Variants in PLCG2 observed in about 807,000 individuals in gnomAD.
PLCG2 encodes the protein 1-phosphatidylinositol 4,5-bisphosphate phosphodiesterase gamma-2.
In PLCG2, 69 loss-of-function variants were observed where a neutral mutation model predicts 175.6. That is an observed-to-expected ratio of 0.39 (90% CI 0.32 to 0.48). The LOEUF is 0.48. PLCG2 is among the 20% of genes least tolerant of loss of function. The probability of loss-of-function intolerance (pLI) is 0.91; values close to 1 mark genes in which losing one functional copy is unlikely to be tolerated. For synonymous variants in PLCG2, 827 were observed against 624.0 expected (o/e 1.33, Z -4.85); for missense variants, 1,798 against 1,650.9 (o/e 1.09, Z -1.54).
rs114036977 is a variant in PLCG2, at chr16:81,753,486, T to G, written c.-144-2384T>G. Among the ~76,000 whole-genome samples the G allele has an allele frequency of 8.3e-3, 1,261 of 152,056 alleles. 17 individuals are homozygous for G. The highest frequency in any genetic ancestry group is 0.028 in the African/African-American group (1,177 of 41,456). On this transcript the variant is annotated intron_variant, in intron 1 of 5. Transcript: ENST00000565054. ...CAAGCTGGAGTGCAGTAGTTGTATC[T>G]TGGCTCACTGATGCCTCCACCTCCC...
chr16:81,879,972 A>G (rs533874683), intron 7 of PLCG2, among the ~76,000 whole-genome samples: 1 of 152,270 alleles, frequency 6.6e-6, no homozygotes, highest in Non-Finnish European at 1.5e-5. Context: ...AAAGATTTGA[A>G]ATGTTGCCTG....
chr16:81,880,950 T>C lies in PLCG2; in HGVS notation c.689T>C (p.Leu230Pro), dbSNP rs762467148. Residue 230 changes from leucine to proline, a missense_variant, in exon 8 of 33, where the codon CTG (leucine) becomes CCG (proline). By Grantham distance (98) the Leu-to-Pro change is moderately conservative. Coordinates refer to ENST00000564138, the MANE Select transcript of PLCG2 (RefSeq NM_002661.5). The part of the protein sequence containing the change: ...EFKKDSSVFI[L>P]GNTDRPDASA... ...AAAAAGGATTCGTCCGTGTTCATCC[T>C]GGGGTGAGGCAGCTCTTGTGTGTCG... 34 of 1,613,996 alleles carry C rather than the reference T, an allele frequency of 2.1e-5. No individual in the cohort carries two copies. The highest frequency in any genetic ancestry group is 2.8e-5 in the Non-Finnish European group (33 of 1,179,926).
At chr16:81,742,160 G>C (rs985721829) in intron 1 of PLCG2, among the ~76,000 whole-genome samples, 1 of 141,156 alleles carries the variant, frequency 7.1e-6, no homozygotes, top group Non-Finnish European at 1.6e-5. Context: ...GGGGCGGGGG[G>C]GGGGGCGGTG....
At chr16:81,771,310 CT>C (rs1910275804) in intron 2 of PLCG2, among the ~76,000 whole-genome samples, 1 of 152,156 alleles carries the variant, frequency 6.6e-6, no homozygotes, top group Non-Finnish European at 1.5e-5. Context: ...TCACTGCAGC[CT>C]TAAACGCCTG....
chr16:81,781,695 T>C (rs1342426635), intron 1 of PLCG2, among the ~76,000 whole-genome samples: 1 of 152,184 alleles, frequency 6.6e-6, no homozygotes, highest in African/African-American at 2.4e-5. Flanking sequence ...CCTTGAACTG[T>C]TGGAGGGGCC....
chr16:81,746,388 G>A (rs1380770176), intron 1 of PLCG2, among the ~76,000 whole-genome samples: 1 of 152,182 alleles, frequency 6.6e-6, no homozygotes, highest in Non-Finnish European at 1.5e-5. Flanking sequence ...TGGCCGCAGC[G>A]GTGAACGCAC....
chr16:81,756,963 C>T (rs553799311), intron 2 of PLCG2, among the ~76,000 whole-genome samples: 3 of 152,158 alleles, frequency 2.0e-5, no homozygotes, highest in Non-Finnish European at 2.9e-5. Context: ...CCAGTGGTTC[C>T]TACTTGCTGC....
chr16:81,883,721 A>G, intron 9 of PLCG2: 1 of 281,646 alleles, frequency 3.6e-6, no homozygotes, highest in South Asian at 3.9e-5. Flanking sequence ...GCCTTCCTTG[A>G]CTGATGGGAG....
chr16:81,819,599 T>A (rs983515333), intron 2 of PLCG2, among the ~76,000 whole-genome samples: 1 of 152,210 alleles, frequency 6.6e-6, no homozygotes, highest in Non-Finnish European at 1.5e-5. Flanking sequence ...TATTATTATT[T>A]TTTGAGACCA....
rs866358761 is a variant in PLCG2 at position 81,870,211 on chromosome 16, A to G, written c.565-641A>G. Among the ~76,000 whole-genome samples, 2 of 152,212 alleles carry G rather than the reference A, an allele frequency of 1.3e-5. 1 individual carries two copies. Among genetic ancestry groups the G allele is most frequent in the African/African-American group, 4.8e-5 (2 of 41,460 alleles). ...CTACACAGTTGCCATTTAATTCTTT[A>G]TCAAGTATTTACTGAACCAGGTGTT... On this transcript the variant is annotated intron_variant, in intron 6 of 32. Transcript: ENST00000564138.
At chr16:81,809,970 G>C (rs1017343080) in intron 2 of PLCG2, among the ~76,000 whole-genome samples, 1 of 151,776 alleles carries the variant, frequency 6.6e-6, no homozygotes, top group Non-Finnish European at 1.5e-5. Context: ...GCCAGTCTTT[G>C]TCTGCCACCA....
Position 81,907,748 on chromosome 16 carries a change from C to T in PLCG2, c.1531C>T (p.Gln511Ter). The T allele has an allele frequency of 6.2e-7, 1 of 1,613,780 alleles. No homozygotes were observed. The highest frequency in any genetic ancestry group is 8.5e-7 in the Non-Finnish European group (1 of 1,179,750). The change falls in exon 16 of 33, where the codon CAG (glutamine) becomes TAG (stop). Residue 511 changes from glutamine to a stop codon, truncating the protein, a stop_gained. Transcript: ENST00000564138. LOFTEE classifies it high-confidence loss of function. ...GCTGTCCTTCAGTGATGACATTGAA[C>T]AGACTATGGAGGAGGAAGTGCCCCA... The part of the protein sequence containing the change: ...AKLSFSDDIE[Q>*]TMEEEVPQDI...
At chr16:81,913,584 G>A (rs552716110) in intron 19 of PLCG2, among the ~76,000 whole-genome samples, 8 of 152,236 alleles carry the variant, frequency 5.3e-5, no homozygotes, top group African/African-American at 1.9e-4. Flanking sequence ...CCAGCCAGAG[G>A]CCTGTGGGCG....
intron 19 of PLCG2, among the ~76,000 whole-genome samples, chr16:81,919,232 G>A (rs1909963207): frequency 6.6e-6 from 1 of 152,194 alleles, no homozygotes; most frequent in South Asian, 2.1e-4. Context: ...GGGAGGAGAG[G>A]AAGGGTAAGA....
At position 81,955,976 on chromosome 16, in the gene PLCG2, C is replaced by T. The variant is rs1030242317; in HGVS notation, c.3571-719C>T. ...CAATTCAATGGTTTATAGCCTATTA[C>T]GTGTTGTACAGTCATGGCCACAATC... On this transcript the variant is annotated intron_variant, in intron 31 of 32. Transcript: ENST00000564138. Among the ~76,000 whole-genome samples the T allele has an allele frequency of 7.2e-5, 11 of 152,136 alleles. No individual in the cohort carries two copies. The East Asian group carries it at 7.7e-4, about 11-fold the overall frequency.
At chr16:81,829,938 TG>T (rs770326875) in intron 2 of PLCG2, among the ~76,000 whole-genome samples, 16 of 152,096 alleles carry the variant, frequency 1.1e-4, no homozygotes, top group African/African-American at 2.7e-4. Flanking sequence ...TACCTCTCGG[TG>T]GCATCCCCAC....
chr16:81,772,668 A>AC (rs538040869), intron 2 of PLCG2, among the ~76,000 whole-genome samples: 4,410 of 150,068 alleles, frequency 0.029, 83 homozygotes, highest in Non-Finnish European at 0.039. Context: ...AAAAAAAAAA[A>AC]AAAGCTGGGT....
At chr16:81,771,069 A>T (rs9934816) in intron 2 of PLCG2, among the ~76,000 whole-genome samples, 8,876 of 145,136 alleles carry the variant, frequency 0.061, 727 homozygotes, top group African/African-American at 0.19. Flanking sequence ...AAAAAAAAAA[A>T]AAATAAATAA....
chr16:81,889,125 T>C, intron 9 of PLCG2, 47 bp from the exon 10 acceptor site: 2 of 1,133,384 alleles, frequency 1.8e-6, no homozygotes, highest in South Asian at 1.3e-5. Flanking sequence ...TGAAGAATTT[T>C]ATCAGTTCTC....
Sources: gnomAD v4.1 joint callset for allele counts (sites outside exome capture counted in the v4.1 genomes callset) on GRCh38, gnomAD v4.1.1 for gene constraint, MANE v1.5 for transcripts, NCBI Gene and HGNC (gene_info 2026-07-23, HGNC 2026-07-21) for gene names.